The following CACNA2D1 variants were observed in gnomAD, a reference collection of about 807,000 sequenced individuals.
CACNA2D1 encodes voltage-dependent calcium channel subunit alpha-2/delta-1.
CACNA2D1 carries 53 observed loss-of-function variants against 171.5 expected under a neutral mutation model. That is an observed-to-expected ratio of 0.31 (90% confidence interval 0.25 to 0.39). CACNA2D1 has a LOEUF of 0.39. CACNA2D1 is among the 10% of genes least tolerant of loss of function. CACNA2D1 has a pLI of 1.00. For missense variants in CACNA2D1, 903 were observed against 1,299.8 expected (o/e 0.69, Z 4.69); for synonymous variants, 442 against 443.1 (o/e 1.00, Z 0.03).
At chr7:82,418,181 G>C (rs1279966400) in intron 1 of CACNA2D1, among the ~76,000 whole-genome samples, 1 of 152,140 alleles carries the variant, frequency 6.6e-6, no homozygotes, top group African/African-American at 2.4e-5. Context: ...AGCAAAGGAG[G>C]AAGTTCCTTA....
chr7:82,373,320 T>C (rs766620591), intron 1 of CACNA2D1, among the ~76,000 whole-genome samples: 5 of 152,238 alleles, frequency 3.3e-5, no homozygotes, highest in Admixed American at 6.5e-5. Flanking sequence ...TTATTGTTTT[T>C]CTAATAACAT....
At chr7:82,133,035 A>C (rs1791183511) in intron 5 of CACNA2D1, among the ~76,000 whole-genome samples, 1 of 152,164 alleles carries the variant, frequency 6.6e-6, no homozygotes, top group South Asian at 2.1e-4. Flanking sequence ...TGACATGATA[A>C]TTTATTGGTT....
chr7:82,235,292 T>C (rs891575652), intron 3 of CACNA2D1, among the ~76,000 whole-genome samples: 2 of 152,162 alleles, frequency 1.3e-5, no homozygotes, highest in African/African-American at 2.4e-5. Context: ...CTGAAAGAAA[T>C]ATTCCACACA....
chr7:82,338,435 T>C (rs576996895), intron 2 of CACNA2D1, among the ~76,000 whole-genome samples: 3 of 152,206 alleles, frequency 2.0e-5, no homozygotes, highest in Non-Finnish European at 4.4e-5. Flanking sequence ...TCTCAGGTGA[T>C]CCTCCCATGT....
At chr7:82,409,944 T>G (rs969439407) in intron 1 of CACNA2D1, among the ~76,000 whole-genome samples, 1 of 152,224 alleles carries the variant, frequency 6.6e-6, no homozygotes, top group African/African-American at 2.4e-5. Flanking sequence ...GCTACGGTAC[T>G]GAATACTGTA....
chr7:82,177,068 A>ACTT (rs1413202269), intron 3 of CACNA2D1, among the ~76,000 whole-genome samples: 3 of 55,228 alleles, frequency 5.4e-5, no homozygotes, highest in Non-Finnish European at 6.0e-5. Context: ...ACAGGTCTCT[A>ACTT]TTTTTTTTTT....
intron 20 of CACNA2D1, among the ~76,000 whole-genome samples, chr7:81,992,969 A>T (rs1463248889): frequency 6.6e-6 from 1 of 152,198 alleles, no homozygotes; most frequent in African/African-American, 2.4e-5. Flanking sequence ...CTATTTTCAG[A>T]TTCCAACAAA....
At chr7:82,316,586 C>T (rs114289436) in intron 3 of CACNA2D1, among the ~76,000 whole-genome samples, 2,663 of 152,190 alleles carry the variant, frequency 0.017, 79 homozygotes, top group African/African-American at 0.061. Context: ...AAAACTAAAG[C>T]TATTCAATCA....
At chr7:82,056,862 G>A (rs1441384648) in intron 10 of CACNA2D1, among the ~76,000 whole-genome samples, 1 of 152,008 alleles carries the variant, frequency 6.6e-6, no homozygotes, top group African/African-American at 2.4e-5. Flanking sequence ...ATTTATCGTG[G>A]GATACTGAAT....
rs79699021 is a variant in CACNA2D1, at chr7:81,980,775, C to T, written c.1955+1792G>A. ...TTGACAGATACACTTGATACTCATA[C>T]GACAGAACTGGCAAGACTGGTGATT... On this transcript the variant is annotated intron_variant, in intron 24 of 38. Transcript: ENST00000356860. 1.7e-3 allele frequency among the ~76,000 whole-genome samples: 255 copies of T among 152,062 alleles called. 5 individuals are homozygous for T. The East Asian group carries it at 0.019, about 11-fold the overall frequency.
intron 7 of CACNA2D1, among the ~76,000 whole-genome samples, chr7:82,071,921 C>A (rs977644001): frequency 6.6e-6 from 1 of 151,998 alleles, no homozygotes; most frequent in Non-Finnish European, 1.5e-5. Context: ...GGTATTGAGC[C>A]CATTTTAATC....
At chr7:82,440,966 G>GA (rs1830459180) in intron 1 of CACNA2D1, among the ~76,000 whole-genome samples, 1 of 148,890 alleles carries the variant, frequency 6.7e-6, no homozygotes, top group Admixed American at 6.7e-5. Context: ...AATGAAACTG[G>GA]CAAAAAAAAA....
At chr7:81,952,889 T>G (rs1792772996) in intron 38 of CACNA2D1, among the ~76,000 whole-genome samples, 1 of 152,076 alleles carries the variant, frequency 6.6e-6, no homozygotes, top group African/African-American at 2.4e-5. Flanking sequence ...TCATAGGGAT[T>G]TCAAACTTGA....
At chr7:82,155,571 C>G (rs1794296120) in intron 4 of CACNA2D1, among the ~76,000 whole-genome samples, 1 of 152,116 alleles carries the variant, frequency 6.6e-6, no homozygotes. Context: ...AATCCTAACT[C>G]TCTCAACTTC....
In CACNA2D1 at chr7:82,157,351, A is replaced by C. The variant is rs146842214; in HGVS notation, c.354+13199T>G. On this transcript the variant is annotated intron_variant, in intron 4 of 38. Transcript: ENST00000356860. ...TTATCCTGTGGGCAGTTTGATGAAA[A>C]TGGCTTATAATGTGATTTTATTGAT... Among the ~76,000 whole-genome samples, 809 of 152,192 alleles carry C rather than the reference A, an allele frequency of 5.3e-3. 5 individuals are homozygous for C. Among genetic ancestry groups the C allele is most frequent in the African/African-American group, 0.018 (760 of 41,552 alleles).
chr7:82,090,139 A>C (rs1341320164), intron 6 of CACNA2D1, among the ~76,000 whole-genome samples: 1 of 152,168 alleles, frequency 6.6e-6, no homozygotes, highest in African/African-American at 2.4e-5. Flanking sequence ...TGGGGGAATT[A>C]ATTTAAGATC....
chr7:82,343,363 A>G (rs1028022509), intron 2 of CACNA2D1: 2 of 152,240 alleles, frequency 1.3e-5, no homozygotes, highest in African/African-American at 4.8e-5. Context: ...TCCGAGCAAT[A>G]TATTAAAGAC....
At position 81,947,885 on chromosome 7, in the gene CACNA2D1, T is replaced by C. The variant is rs1426618609; in HGVS notation, c.*2507A>G. The C allele has an allele frequency of 6.6e-6, 1 of 151,908 alleles. No homozygotes were observed. The highest frequency in any genetic ancestry group is 2.4e-5 in the African/African-American group (1 of 41,438). 9.4% of individuals were successfully genotyped at this position (151,908 alleles called of 1,614,324 possible). A position where few individuals can be genotyped will look rare whatever the true frequency, so the allele number is the denominator to read the frequency against. Reference sequence around the variant, plus strand: ...TTCTTACCCAATTTGTAATTGCATTTATGGTTGTCATAATATATAACTTTA... The same window carrying C: ...TTCTTACCCAATTTGTAATTGCATTCATGGTTGTCATAATATATAACTTTA... On this transcript the variant is annotated 3_prime_UTR_variant, in exon 39 of 39. Transcript: ENST00000356860.
rs759988243 is a variant in CACNA2D1 at position 81,950,394 on chromosome 7, A to G, written c.3274T>C (p.Ter1092ArgextTer25). The change falls in exon 39 of 39, where the codon TGA (stop) becomes CGA (arginine). Residue 1092 changes from the stop codon to arginine, a stop_lost. Transcript: ENST00000356860. ...ATGCAGATTTGGTTTTTAGAAGGTC[A>G]TAACAGGCGGTGTGTGCTGCCAGAT... ...LVSGSTHRLL[*>R] The G allele has an allele frequency of 8.7e-6, 14 of 1,613,222 alleles. No individual in the cohort carries two copies. Among genetic ancestry groups the G allele is most frequent in the Admixed American group, 3.3e-5 (2 of 59,860 alleles).
Sources: allele counts gnomAD v4.1 joint callset (sites outside exome capture counted in the v4.1 genomes callset), GRCh38; gene constraint gnomAD v4.1.1; transcripts MANE v1.5; gene names NCBI Gene and HGNC (gene_info 2026-07-23, HGNC 2026-07-21).